Variants in ASPH observed in about 807,000 individuals in gnomAD.
ASPH encodes aspartate beta-hydroxylase.
A neutral mutation model predicts 118.4 loss-of-function variants in ASPH; 100 were observed. That is an observed-to-expected ratio of 0.84 (90% CI 0.72 to 1.00). The LOEUF is 1.00. Ranked by LOEUF, ASPH falls within the 50% of genes least tolerant of loss-of-function variation. The pLI, the probability that ASPH is intolerant of heterozygous loss-of-function variation, is 0.00. For synonymous variants in ASPH, 315 were observed against 325.6 expected (o/e 0.97, Z 0.35); for missense variants, 920 against 919.5 (o/e 1.00, Z -0.01).
At chr8:61,556,477 T>C (rs1480625258) in intron 18 of ASPH, among the ~76,000 whole-genome samples, 4 of 152,218 alleles carry the variant, frequency 2.6e-5, no homozygotes, top group Admixed American at 6.5e-5. Context: ...AAATTTAGAT[T>C]TGCATTTGTA....
At position 61,564,297 on chromosome 8, in the gene ASPH, C is replaced by CTT. The variant is rs1176381658; in HGVS notation, c.1301-1419_1301-1418dup. The stretch of plus-strand genomic sequence containing the variant: ...AGAGGAAAACTCAGTAATGCTGATT[C>CTT]TTTTTTTTTTTTTTTTTTTGAGATG... On this transcript the variant is annotated intron_variant, in intron 17 of 24. Coordinates refer to ENST00000379454, the MANE Select transcript of ASPH (RefSeq NM_004318.4). 6.3e-3 allele frequency among the ~76,000 whole-genome samples: 850 copies of CTT among 134,008 alleles called. 19 individuals carry two copies. Among genetic ancestry groups the CTT allele is most frequent in the African/African-American group, 0.021 (768 of 37,346 alleles). 87.9% of individuals were successfully genotyped at this position (134,008 alleles called of 152,430 possible).
At chr8:61,614,279 T>C (rs1201128688) in intron 14 of ASPH, among the ~76,000 whole-genome samples, 2 of 152,102 alleles carry the variant, frequency 1.3e-5, no homozygotes, top group African/African-American at 4.8e-5. Flanking sequence ...AAGTCCACAA[T>C]ACAAATACAG....
At chr8:61,518,494 A>T (rs1159827981) in intron 22 of ASPH, among the ~76,000 whole-genome samples, 2 of 152,216 alleles carry the variant, frequency 1.3e-5, no homozygotes, top group African/African-American at 4.8e-5. Context: ...CCAAAAACTT[A>T]ACAACTAATA....
At chr8:61,513,636 CT>C (rs1392750162) in intron 24 of ASPH, among the ~76,000 whole-genome samples, 1 of 152,138 alleles carries the variant, frequency 6.6e-6, no homozygotes, top group Non-Finnish European at 1.5e-5. Flanking sequence ...GTTGCAAGCA[CT>C]TTTAAATAAT....
At chr8:61,701,894 C>T (rs571633329) in intron 1 of ASPH, among the ~76,000 whole-genome samples, 28 of 152,186 alleles carry the variant, frequency 1.8e-4, no homozygotes, top group Non-Finnish European at 3.7e-4. Context: ...ATAAACTTAG[C>T]AAAACATTCT....
chr8:61,618,619 C>G (rs145357367), intron 14 of ASPH, among the ~76,000 whole-genome samples: 2 of 152,104 alleles, frequency 1.3e-5, no homozygotes, highest in Non-Finnish European at 2.9e-5. Flanking sequence ...AAGCACTTTA[C>G]GTATATTTTC....
intron 14 of ASPH, among the ~76,000 whole-genome samples, chr8:61,608,226 TA>T (rs1250153217): frequency 6.6e-6 from 1 of 152,230 alleles, no homozygotes; most frequent in African/African-American, 2.4e-5. Context: ...GAGAATTTGT[TA>T]AAAGTAGTCT....
At chr8:61,534,549 G>A (rs183418414) in intron 21 of ASPH, among the ~76,000 whole-genome samples, 233 of 151,918 alleles carry the variant, frequency 1.5e-3, no homozygotes, top group African/African-American at 5.5e-3. Context: ...ATTTCTTGTT[G>A]ACCTGGTTTC....
intron 21 of ASPH, among the ~76,000 whole-genome samples, chr8:61,539,072 C>G (rs527307950): frequency 6.6e-6 from 1 of 152,138 alleles, no homozygotes; most frequent in South Asian, 2.1e-4. Flanking sequence ...TGAAACCCGT[C>G]TCTACTAAAA....
intron 3 of ASPH, among the ~76,000 whole-genome samples, chr8:61,655,380 C>T (rs1813118089): frequency 6.6e-6 from 1 of 152,166 alleles, no homozygotes; most frequent in African/African-American, 2.4e-5. Context: ...TTGCCTGAGA[C>T]ACTCCCAGTT....
chr8:61,503,443 G>A lies in ASPH; in HGVS notation c.2193C>T (p.Ala731=). ...DSFEHEVWQD[A]SSFRLIFIVD... ...CGATGAATATCAGCCGGAAAGATGA[G>A]GCATCCTGCCATACCTCGTGCTCAA... Residue 731 remains alanine, a synonymous_variant, in exon 25 of 25, where the codon GCC becomes GCT. Coordinates refer to ENST00000379454, the MANE Select transcript of ASPH (RefSeq NM_004318.4). 2 of 1,613,006 alleles carry A rather than the reference G, an allele frequency of 1.2e-6. No homozygotes were observed. The highest frequency in any genetic ancestry group is 1.7e-6 in the Non-Finnish European group (2 of 1,179,606).
intron 14 of ASPH, among the ~76,000 whole-genome samples, chr8:61,611,735 G>A (rs918659102): frequency 6.6e-6 from 1 of 152,124 alleles, no homozygotes; most frequent in Non-Finnish European, 1.5e-5. Flanking sequence ...CAAATCTTTG[G>A]CAAACAAGTA....
At chr8:61,683,608 G>A (rs1285203208) in intron 2 of ASPH, 2 of 155,910 alleles carry the variant, frequency 1.3e-5, no homozygotes, top group Admixed American at 6.2e-5. Context: ...ACACAGAAGG[G>A]TGTACTTTGA....
chr8:61,628,645 GC>G (rs1854106118), intron 13 of ASPH, among the ~76,000 whole-genome samples: 2 of 152,048 alleles, frequency 1.3e-5, no homozygotes, highest in Non-Finnish European at 2.9e-5. Flanking sequence ...CCTGAAAACA[GC>G]TAAAACTAGC....
rs2131116547 is a variant in ASPH at position 61,553,031 on chromosome 8, C to T, written c.1626G>A (p.Glu542=). The change falls in exon 20 of 25, where the codon GAG becomes GAA. Residue 542 remains glutamate, a splice_region_variant and synonymous_variant. Transcript: ENST00000379454. The part of the protein sequence containing the change: ...GDAMQRVGNK[E]AYKWYELGHK... The stretch of plus-strand genomic sequence containing the variant: ...AATCAGAAATTCATATACCCATTAC[C>T]TCTTTGTTCCCAACCCTCTGCATGG... 1 of 1,608,032 alleles carries T rather than the reference C, an allele frequency of 6.2e-7. No homozygotes were observed. Among genetic ancestry groups the T allele is most frequent in the Non-Finnish European group, 8.5e-7 (1 of 1,174,606 alleles).
At chr8:61,702,370 C>T (rs927348332) in intron 1 of ASPH, among the ~76,000 whole-genome samples, 6 of 151,204 alleles carry the variant, frequency 4.0e-5, no homozygotes, top group South Asian at 2.1e-4. Context: ...CTGCAAGCTC[C>T]GCCTCCCGGG....
chr8:61,672,939 G>A (rs909225043), intron 3 of ASPH, among the ~76,000 whole-genome samples: 2 of 152,126 alleles, frequency 1.3e-5, no homozygotes, highest in Non-Finnish European at 2.9e-5. Flanking sequence ...AAAGGGTCAT[G>A]GAGCATCAAT....
intron 14 of ASPH, among the ~76,000 whole-genome samples, chr8:61,617,012 C>T (rs1027532570): frequency 6.6e-6 from 1 of 152,176 alleles, no homozygotes; most frequent in Non-Finnish European, 1.5e-5. Flanking sequence ...CGGTTTTAGA[C>T]TTGTTAAGTT....
intron 3 of ASPH, chr8:61,664,342 T>C (rs1172937604): frequency 1.0e-6 from 1 of 973,690 alleles, no homozygotes; most frequent in African/African-American, 1.8e-5. Context: ...AAAAGTGTGA[T>C]ATAAAATGAA....
Sources: allele counts gnomAD v4.1 joint callset (sites outside exome capture counted in the v4.1 genomes callset), GRCh38; gene constraint gnomAD v4.1.1; transcripts MANE v1.5; gene names NCBI Gene and HGNC (gene_info 2026-07-23, HGNC 2026-07-21).